FAM227B: variants seen among roughly 807,000 people sequenced by gnomAD.
FAM227B encodes protein FAM227B.
A neutral mutation model predicts 73.8 loss-of-function variants in FAM227B; 88 were observed. The observed-to-expected ratio is 1.19, with a 90% CI of 1.00 to 1.42. The LOEUF is 1.42. FAM227B is among the 40% of genes most tolerant of loss of function. FAM227B has a pLI of 0.00. For synonymous variants in FAM227B, 210 were observed against 190.5 expected (o/e 1.10, Z -0.84); for missense variants, 632 against 590.9 (o/e 1.07, Z -0.72).
chr15:49,410,957 T>TGA (rs1337948054), intron 11 of FAM227B, among the ~76,000 whole-genome samples: 27 of 130,040 alleles, frequency 2.1e-4, no homozygotes, highest in African/African-American at 7.1e-4. Context: ...AAAAAGCATT[T>TGA]GAGAGTGTGT....
intron 11 of FAM227B, among the ~76,000 whole-genome samples, chr15:49,416,791 AC>A (rs1175814144): frequency 9.9e-5 from 15 of 151,830 alleles, no homozygotes; most frequent in Non-Finnish European, 1.8e-4. Context: ...ACACACACAC[AC>A]ACACACAAAC....
chr15:49,541,153 C>T (rs1354476304), intron 10 of FAM227B, among the ~76,000 whole-genome samples: 1 of 151,892 alleles, frequency 6.6e-6, no homozygotes, highest in Non-Finnish European at 1.5e-5. Flanking sequence ...ATTTCTATAC[C>T]TTAGTTTTAA....
intron 8 of FAM227B, among the ~76,000 whole-genome samples, chr15:49,571,635 T>C (rs2075112534): frequency 6.6e-6 from 1 of 152,116 alleles, no homozygotes; most frequent in Non-Finnish European, 1.5e-5. Flanking sequence ...TTGGCGCCTT[T>C]GTTGAAAACC....
At chr15:49,580,822 A>G (rs910298594) in intron 5 of FAM227B, among the ~76,000 whole-genome samples, 8 of 152,340 alleles carry the variant, frequency 5.3e-5, no homozygotes, top group African/African-American at 1.9e-4. Flanking sequence ...AAAACACGCT[A>G]AAAGTATTTA....
intron 11 of FAM227B, among the ~76,000 whole-genome samples, chr15:49,451,616 A>G (rs569064911): frequency 7.2e-5 from 11 of 152,194 alleles, no homozygotes; most frequent in African/African-American, 2.4e-4. Context: ...CTACACATTC[A>G]TTGACCTTGA....
At chr15:49,430,054 C>A (rs1479409404) in intron 11 of FAM227B, among the ~76,000 whole-genome samples, 1 of 151,816 alleles carries the variant, frequency 6.6e-6, no homozygotes, top group African/African-American at 2.4e-5. Flanking sequence ...CTTGATTAGG[C>A]ATAAATCTCT....
chr15:49,361,261 T>C (rs758459023), intron 13 of FAM227B, among the ~76,000 whole-genome samples: 42 of 152,226 alleles, frequency 2.8e-4, no homozygotes, highest in Non-Finnish European at 5.0e-4. Flanking sequence ...TAACTTTTAT[T>C]TTAGGTTCAG....
intron 9 of FAM227B, among the ~76,000 whole-genome samples, chr15:49,548,465 C>T (rs116878590): frequency 6.6e-6 from 1 of 152,212 alleles, no homozygotes; most frequent in East Asian, 1.9e-4. Context: ...ATCAGTGATA[C>T]TGGTCTGTAG....
chr15:49,354,143 T>A (rs1444461797), intron 13 of FAM227B: 2 of 152,252 alleles, frequency 1.3e-5, no homozygotes, highest in African/African-American at 2.4e-5. Flanking sequence ...TATGCTAGGA[T>A]AAATGCTGAT....
intron 9 of FAM227B, among the ~76,000 whole-genome samples, chr15:49,561,397 C>A (rs750575026): frequency 2.0e-5 from 3 of 152,092 alleles, no homozygotes; most frequent in Admixed American, 6.6e-5. Context: ...TATGAAAAGA[C>A]TTAGCCACAC....
chr15:49,379,257 G>A (rs1474680455), intron 11 of FAM227B, among the ~76,000 whole-genome samples: 1 of 152,130 alleles, frequency 6.6e-6, no homozygotes, highest in African/African-American at 2.4e-5. Context: ...ATATTGGTCT[G>A]TAGTTTTCTT....
chr15:49,515,155 C>T lies in FAM227B; in HGVS notation c.875-6807G>A, dbSNP rs374903328. On this transcript the variant is annotated intron_variant, in intron 10 of 15. Coordinates refer to ENST00000299338, the MANE Select transcript of FAM227B (RefSeq NM_152647.3). ...TCTTACAGGTCTTGGATGCTCTGTT[C>T]TGTATTTTTCACTCTTTTTTCTCTC... Among the ~76,000 whole-genome samples, 18 of 152,088 alleles carry T rather than the reference C, an allele frequency of 1.2e-4. No homozygotes were observed. In the East Asian group the frequency reaches 3.3e-3, roughly 28 times the overall value.
chr15:49,517,891 C>T (rs1002591714), intron 10 of FAM227B, among the ~76,000 whole-genome samples: 2 of 152,128 alleles, frequency 1.3e-5, no homozygotes, highest in African/African-American at 4.8e-5. Flanking sequence ...ACAGCATCTA[C>T]TCACTTGTAT....
intron 10 of FAM227B, among the ~76,000 whole-genome samples, chr15:49,529,128 G>A (rs536436136): frequency 6.6e-6 from 1 of 151,820 alleles, no homozygotes; most frequent in South Asian, 2.1e-4. Context: ...TATACACCAA[G>A]GAATACTATG....
chr15:49,613,859 CAG>C (rs1048685834), intron 2 of FAM227B, among the ~76,000 whole-genome samples: 1 of 152,100 alleles, frequency 6.6e-6, no homozygotes, highest in South Asian at 2.1e-4. Context: ...TTATGGGAAA[CAG>C]GGAACTCTAG....
chr15:49,433,903 A>G (rs569392509), intron 11 of FAM227B, among the ~76,000 whole-genome samples: 1 of 151,864 alleles, frequency 6.6e-6, no homozygotes, highest in Non-Finnish European at 1.5e-5. Context: ...AAAAGAGAAA[A>G]AGTCTTTAAT....
chr15:49,615,336 C>A (rs575167122), intron 1 of FAM227B, 93 bp from the exon 2 acceptor site: 4 of 654,728 alleles, frequency 6.1e-6, no homozygotes, highest in African/African-American at 1.8e-5. Context: ...TGACTTTTAC[C>A]AAGTCAGATA....
intron 8 of FAM227B, among the ~76,000 whole-genome samples, chr15:49,572,686 T>C (rs1483522808): frequency 1.3e-5 from 2 of 152,106 alleles, no homozygotes; most frequent in Non-Finnish European, 2.9e-5. Flanking sequence ...GGCACTTTCA[T>C]AGGCCTGTAG....
intron 1 of FAM227B, among the ~76,000 whole-genome samples, chr15:49,616,325 A>G (rs564474632): frequency 6.6e-6 from 1 of 152,206 alleles, no homozygotes; most frequent in South Asian, 2.1e-4. Context: ...ATACACACAG[A>G]TATTTTATCT....
Sources: gnomAD v4.1 joint callset for allele counts (sites outside exome capture counted in the v4.1 genomes callset) on GRCh38, gnomAD v4.1.1 for gene constraint, MANE v1.5 for transcripts, NCBI Gene and HGNC (gene_info 2026-07-23, HGNC 2026-07-21) for gene names.